DOCK10: variants seen among roughly 807,000 people sequenced by gnomAD.
The protein encoded by DOCK10 is dedicator of cytokinesis 10.
Under a neutral mutation model 280.1 loss-of-function variants are expected in DOCK10, and 145 were observed. The observed-to-expected ratio is 0.52, with a 90% CI of 0.45 to 0.59. DOCK10 has a LOEUF of 0.59. Among genes scored for constraint, DOCK10 ranks in the 20% least tolerant of loss-of-function variants. The pLI is 0.00. For synonymous variants in DOCK10, 915 were observed against 942.2 expected (o/e 0.97, Z 0.53); for missense variants, 2,368 against 2,651.7 (o/e 0.89, Z 2.35).
intron 1 of DOCK10, among the ~76,000 whole-genome samples, chr2:225,038,341 T>G (rs1690322689): frequency 1.3e-5 from 2 of 152,094 alleles, no homozygotes; most frequent in Non-Finnish European, 2.9e-5. Flanking sequence ...GGGAGAAAAT[T>G]CTTCCTTCTA....
At chr2:224,840,974 C>T (rs757313798) in intron 23 of DOCK10, among the ~76,000 whole-genome samples, 6 of 151,972 alleles carry the variant, frequency 3.9e-5, no homozygotes, top group Non-Finnish European at 8.8e-5. Flanking sequence ...TGGAGGAACC[C>T]GGAGTATATT....
Position 224,857,002 on chromosome 2 carries a change from C to T in DOCK10, c.1686-20G>A. ...ACTGATCTAAAAGAAAATATTTATTCAGGTTGGTAGTTGGATATTGTTTAT... is the reference window on the plus strand; with the variant it reads ...ACTGATCTAAAAGAAAATATTTATTTAGGTTGGTAGTTGGATATTGTTTAT... On this transcript the variant is annotated intron_variant, in intron 14 of 55. Coordinates refer to ENST00000258390, the MANE Select transcript of DOCK10 (RefSeq NM_014689.3). 1.3e-6 allele frequency: 2 copies of T among 1,587,520 alleles called. No individual in the cohort carries two copies. Among genetic ancestry groups the T allele is most frequent in the East Asian group, 2.2e-5 (1 of 44,470 alleles).
At chr2:224,785,411 T>G (rs1691664116) in intron 50 of DOCK10, among the ~76,000 whole-genome samples, 1 of 152,212 alleles carries the variant, frequency 6.6e-6, no homozygotes, top group Admixed American at 6.5e-5. Flanking sequence ...ATTAATTTGT[T>G]TATAATAAAT....
At chr2:224,884,520 T>C (rs1699163801) in intron 7 of DOCK10, among the ~76,000 whole-genome samples, 1 of 152,244 alleles carries the variant, frequency 6.6e-6, no homozygotes, top group Non-Finnish European at 1.5e-5. Flanking sequence ...AGGTCAGTTA[T>C]TTCATCAGAG....
At chr2:224,988,641 C>A (rs1706039619) in intron 1 of DOCK10, among the ~76,000 whole-genome samples, 1 of 152,126 alleles carries the variant, frequency 6.6e-6, no homozygotes. Context: ...TGGAAAATTC[C>A]CTTTGAGAGC....
chr2:224,875,441 C>G lies in DOCK10; in HGVS notation c.931+597G>C, dbSNP rs968275001. 5.3e-4 allele frequency among the ~76,000 whole-genome samples: 80 copies of G among 152,162 alleles called. 1 individual carries two copies. Among genetic ancestry groups the G allele is most frequent in the African/African-American group, 1.9e-3 (78 of 41,436 alleles). On this transcript the variant is annotated intron_variant, in intron 8 of 55. Transcript: ENST00000258390. ...AACTTGCCTTCTATGTAGCTACAGA[C>G]TTGCTTTTCTAACCTTTTCACCTTT...
intron 1 of DOCK10, among the ~76,000 whole-genome samples, chr2:224,998,947 G>C (rs1416642705): frequency 6.6e-6 from 1 of 152,166 alleles, no homozygotes; most frequent in African/African-American, 2.4e-5. Context: ...AGCACTTTGA[G>C]AGGCCCAAGC....
intron 3 of DOCK10, among the ~76,000 whole-genome samples, chr2:224,913,082 A>G (rs968804780): frequency 6.6e-6 from 1 of 152,140 alleles, no homozygotes; most frequent in Non-Finnish European, 1.5e-5. Context: ...TTAAATAGAT[A>G]TAATTTTTTA....
intron 1 of DOCK10, among the ~76,000 whole-genome samples, chr2:224,939,445 A>G (rs902766700): frequency 4.6e-5 from 7 of 152,232 alleles, no homozygotes; most frequent in Admixed American, 3.9e-4. Context: ...ATAGCAAATA[A>G]AAATAAAATT....
At chr2:224,855,398 G>A (rs1013133657) in intron 15 of DOCK10, among the ~76,000 whole-genome samples, 1 of 152,118 alleles carries the variant, frequency 6.6e-6, no homozygotes, top group African/African-American at 2.4e-5. Context: ...ATTTAAACTG[G>A]CTTAAGTAAC....
chr2:225,012,219 G>A (rs192737257), intron 1 of DOCK10, among the ~76,000 whole-genome samples: 3 of 152,204 alleles, frequency 2.0e-5, no homozygotes, highest in African/African-American at 4.8e-5. Flanking sequence ...GTAGCTTAAC[G>A]GCTCTTTGCT....
At chr2:225,035,835 T>C (rs1690245398) in intron 1 of DOCK10, among the ~76,000 whole-genome samples, 1 of 151,400 alleles carries the variant, frequency 6.6e-6, no homozygotes, top group Admixed American at 6.6e-5. Flanking sequence ...TTGGCCGCCT[T>C]CTTGTTGTGT....
At chr2:224,994,041 A>C (rs1431789539) in intron 1 of DOCK10, among the ~76,000 whole-genome samples, 1 of 152,204 alleles carries the variant, frequency 6.6e-6, no homozygotes, top group Non-Finnish European at 1.5e-5. Flanking sequence ...GGGTTCTAAA[A>C]CACAGCCTAT....
At chr2:224,777,115 A>G (rs1690926544) in intron 51 of DOCK10, among the ~76,000 whole-genome samples, 1 of 152,236 alleles carries the variant, frequency 6.6e-6, no homozygotes, top group African/African-American at 2.4e-5. Flanking sequence ...ACTGAACGAC[A>G]GTGTGTAAGA....
chr2:224,896,205 T>C, intron 4 of DOCK10, 90 bp downstream of exon 4: 1 of 714,338 alleles, frequency 1.4e-6, no homozygotes, highest in South Asian at 2.2e-5. Flanking sequence ...AAGATTAATG[T>C]ACGTGTATTC....
At chr2:225,019,655 C>A (rs1284520882) in intron 1 of DOCK10, among the ~76,000 whole-genome samples, 1 of 152,164 alleles carries the variant, frequency 6.6e-6, no homozygotes, top group South Asian at 2.1e-4. Flanking sequence ...GATGGCAAAT[C>A]TTTCATTCTG....
chr2:224,946,145 C>T (rs1413719964), intron 1 of DOCK10, among the ~76,000 whole-genome samples: 1 of 152,194 alleles, frequency 6.6e-6, no homozygotes, highest in East Asian at 1.9e-4. Flanking sequence ...CTCTGATATT[C>T]AACTGTCAGT....
At chr2:224,809,145 C>G (rs141986210) in intron 31 of DOCK10, among the ~76,000 whole-genome samples, 3 of 151,914 alleles carry the variant, frequency 2.0e-5, no homozygotes, top group Non-Finnish European at 2.9e-5. Context: ...GCCTGAATTA[C>G]AGAGAAAAGA....
chr2:224,905,787 T>C (rs955508015), intron 3 of DOCK10, among the ~76,000 whole-genome samples: 4 of 152,154 alleles, frequency 2.6e-5, no homozygotes, highest in African/African-American at 9.7e-5. Flanking sequence ...TGTTCCCCGC[T>C]TTCCTCTCTG....
Sources: gnomAD v4.1 joint callset for allele counts (sites outside exome capture counted in the v4.1 genomes callset) on GRCh38, gnomAD v4.1.1 for gene constraint, MANE v1.5 for transcripts, NCBI Gene and HGNC (gene_info 2026-07-23, HGNC 2026-07-21) for gene names.